Variants in KLRG1 observed in about 807,000 individuals in gnomAD.
KLRG1 encodes the protein killer cell lectin like receptor G1.
In KLRG1, 16 loss-of-function variants were observed where a neutral mutation model predicts 21.8. The observed-to-expected ratio is 0.73, with a 90% CI of 0.50 to 1.11. The LOEUF is 1.11. KLRG1 is among the 50% of genes most tolerant of loss of function. The pLI, the probability that KLRG1 is intolerant of heterozygous loss-of-function variation, is 0.00. For missense variants in KLRG1, 173 were observed against 218.3 expected (o/e 0.79, Z 1.31); for synonymous variants, 69 against 75.9 (o/e 0.91, Z 0.47).
the KLRG1 span, chr12:9,169,840 T>A: frequency 3.0e-6 from 1 of 337,684 alleles, no homozygotes; most frequent in Non-Finnish European, 5.3e-6. Context: ...TAATTAAAAC[T>A]TCATTGTAGA....
At chr12:9,162,056 G>A in the KLRG1 span, among the ~76,000 whole-genome samples, 4 of 152,038 alleles carry the variant, frequency 2.6e-5, no homozygotes, top group South Asian at 4.1e-4. Flanking sequence ...CCCCCTGCCC[G>A]GCTCAAGCGA....
the KLRG1 span, among the ~76,000 whole-genome samples, chr12:9,073,688 A>C: frequency 3.9e-5 from 6 of 152,236 alleles, no homozygotes; most frequent in East Asian, 1.2e-3. Flanking sequence ...TGCTGTGTAC[A>C]TATCAATGAA....
At chr12:9,047,963 G>A in the KLRG1 span, among the ~76,000 whole-genome samples, 1 of 152,158 alleles carries the variant, frequency 6.6e-6, no homozygotes, top group Non-Finnish European at 1.5e-5. Flanking sequence ...GACAGATCCA[G>A]CAGAAGGAAA....
the KLRG1 span, chr12:9,113,288 C>T: frequency 2.0e-6 from 3 of 1,518,296 alleles, no homozygotes; most frequent in South Asian, 2.5e-5. Context: ...AAAGCCTCAT[C>T]TGACAGAATA....
the KLRG1 span, among the ~76,000 whole-genome samples, chr12:9,176,192 C>A: frequency 1.3e-5 from 2 of 152,186 alleles, no homozygotes; most frequent in Non-Finnish European, 2.9e-5. Flanking sequence ...TTATCCTCAG[C>A]AAGCTAACAC....
the KLRG1 span, chr12:9,148,938 G>A: frequency 6.3e-7 from 1 of 1,579,950 alleles, no homozygotes; most frequent in South Asian, 1.1e-5. Flanking sequence ...GTATAGGACA[G>A]AGAATCCACC....
chr12:9,107,683 C>A, the KLRG1 span: 19 of 1,607,840 alleles, frequency 1.2e-5, no homozygotes, highest in Admixed American at 3.2e-4. Flanking sequence ...AGAGCAGACA[C>A]TGAACCTCCC....
At chr12:8,950,530 A>G (rs552967137) in intron 1 of KLRG1, among the ~76,000 whole-genome samples, 4 of 152,050 alleles carry the variant, frequency 2.6e-5, no homozygotes, top group South Asian at 2.1e-4. Flanking sequence ...AGAATTAACA[A>G]TTTCTTCCTG....
chr12:8,986,801 T>A (rs1451985095), upstream of KLRG1, among the ~76,000 whole-genome samples: 1 of 152,126 alleles, frequency 6.6e-6, no homozygotes, highest in Non-Finnish European at 1.5e-5. Flanking sequence ...GGTGATTGGA[T>A]CACGCGGATG....
At chr12:9,197,620 ATATAT>A in the KLRG1 span, among the ~76,000 whole-genome samples, 4 of 87,034 alleles carry the variant, frequency 4.6e-5, 1 homozygote, top group African/African-American at 9.5e-5. Context: ...TTATATATTT[ATATAT>A]TATATTATAT....
At chr12:9,112,606 C>T in the KLRG1 span, 6 of 1,557,456 alleles carry the variant, frequency 3.9e-6, no homozygotes, top group South Asian at 6.9e-5. Context: ...TGCTGTTGCA[C>T]TCTTCCCTGG....
chr12:9,168,792 A>C, the KLRG1 span: 1 of 1,098,718 alleles, frequency 9.1e-7, no homozygotes, highest in Non-Finnish European at 1.4e-6. Context: ...ATAGGGCTAC[A>C]TTACCTCATT....
In KLRG1 at chr12:9,009,030, A is replaced by G; in HGVS notation, c.413A>G (p.Asn138Ser). 1.9e-6 allele frequency: 3 copies of G among 1,613,972 alleles called. No homozygotes were observed. The highest frequency in any genetic ancestry group is 2.5e-6 in the Non-Finnish European group (3 of 1,179,938). The stretch of plus-strand genomic sequence containing the variant: ...TTTTGCTGGATTGGTCTGAGGAACA[A>G]TTCTGGCTGGAGGTGGGAAGATGGA... ...EAFCWIGLRN[N>S]SGWRWEDGSP... The change falls in exon 4 of 5, where the codon AAT becomes AGT. Residue 138 changes from asparagine (N) to serine (S), a missense_variant. By Grantham distance (46) the Asn-to-Ser change is conservative. This residue lies in a region of KLRG1 where 144 missense variants were observed against 161.5 expected (regional missense o/e 0.89). Transcript: ENST00000356986.
In KLRG1 at chr12:8,989,587, C is replaced by A. The variant is rs746146488; in HGVS notation, c.-49C>A. 2 of 1,219,602 alleles carry A rather than the reference C, an allele frequency of 1.6e-6. No individual in the cohort carries two copies. Among genetic ancestry groups the A allele is most frequent in the Non-Finnish European group, 2.4e-6 (2 of 829,510 alleles). The allele number at this position is 1,219,602 out of a possible 1,614,324, so 75.5% of individuals were successfully genotyped here. On this transcript the variant is annotated 5_prime_UTR_variant, in exon 1 of 5. Coordinates refer to ENST00000356986, the MANE Select transcript of KLRG1 (RefSeq NM_005810.4). ...CCTCACTGATACATATCCCTTCACA[C>A]TTCTATAATTTAACTCTCTCAACTG...
the KLRG1 span, among the ~76,000 whole-genome samples, chr12:9,046,851 T>A: frequency 1.3e-5 from 2 of 152,184 alleles, no homozygotes; most frequent in Non-Finnish European, 2.9e-5. Context: ...TCTTCATTTT[T>A]AAATTATTTT....
the KLRG1 span, among the ~76,000 whole-genome samples, chr12:9,150,397 C>G: frequency 6.6e-6 from 1 of 152,288 alleles, no homozygotes; most frequent in Non-Finnish European, 1.5e-5. Flanking sequence ...ATTCTCCTGC[C>G]TCAGCCTCCA....
chr12:9,209,456 G>A, the KLRG1 span, among the ~76,000 whole-genome samples: 1 of 151,760 alleles, frequency 6.6e-6, no homozygotes, highest in Non-Finnish European at 1.5e-5. Flanking sequence ...CACAAATATA[G>A]AGAGCAAGAT....
chr12:9,202,490 A>G, the KLRG1 span: 8 of 1,613,296 alleles, frequency 5.0e-6, no homozygotes, highest in Middle Eastern at 1.6e-4. Context: ...GGCCCTTCTC[A>G]GTGTTGCCCC....
the KLRG1 span, chr12:9,148,817 T>C: frequency 3.2e-6 from 2 of 629,212 alleles, no homozygotes; most frequent in South Asian, 4.4e-5. Flanking sequence ...TAATGTCTGA[T>C]GAATGAATGA....
Sources: allele counts gnomAD v4.1 joint callset (sites outside exome capture counted in the v4.1 genomes callset), GRCh38; gene constraint gnomAD v4.1.1; regional missense constraint gnomAD v4.1.1; transcripts MANE v1.5; gene names NCBI Gene and HGNC (gene_info 2026-07-23, HGNC 2026-07-21).